Variants in MUC5B observed in about 807,000 individuals in gnomAD.
MUC5B encodes mucin-5B.
Under a neutral mutation model 376.9 loss-of-function variants are expected in MUC5B, and 116 were observed. That is an observed-to-expected ratio of 0.31 (90% CI 0.26 to 0.36). The LOEUF (loss-of-function observed/expected upper bound fraction) is 0.36, where lower values mean the gene tolerates loss of function less well. Ranked by LOEUF, MUC5B falls within the 10% of genes least tolerant of loss-of-function variation. MUC5B has a pLI of 1.00. For missense variants in MUC5B, 7,165 were observed against 7,769.9 expected, an observed-to-expected ratio of 0.92 and a Z score of 2.93; for synonymous variants, 3,517 against 3,390.9, an observed-to-expected ratio of 1.04 and a Z score of -1.29.
At position 1,230,489 on chromosome 11, in the gene MUC5B, G is replaced by A; in HGVS notation, c.1360-1G>A. On this transcript the variant is annotated splice_acceptor_variant, in intron 11 of 48. Transcript: ENST00000529681. LOFTEE classifies it high-confidence loss of function. ...ATGCACGCGTGGGTCCTTCTCCCCA[G>A]AAATGTGCCGACAGCAGCTTCACCG... The A allele has an allele frequency of 6.2e-7, 1 of 1,602,966 alleles. No homozygotes were observed. The highest frequency in any genetic ancestry group is 8.5e-7 in the Non-Finnish European group (1 of 1,174,586).
rs577474281 is a variant in MUC5B, at chr11:1,250,418, C to G, written c.13538C>G (p.Thr4513Arg). ...TATALPALRS[T>R]ATTPTATSFT... ...ACTGCCCTTCCAGCACTGAGAAGCACAGCCACCACACCCACAGCTACCAGC... is the reference window on the plus strand; with the variant it reads ...ACTGCCCTTCCAGCACTGAGAAGCAGAGCCACCACACCCACAGCTACCAGC... Residue 4513 changes from threonine (T) to arginine (R), a missense_variant, in exon 31 of 49, where the codon ACA (threonine) becomes AGA (arginine). Physicochemically the swap from Thr to Arg is moderately conservative, Grantham distance 71 (BLOSUM62 -1). This residue lies in a region of MUC5B where 431 missense variants were observed against 390.4 expected (regional missense o/e 1.10). Transcript: ENST00000529681. 6.2e-6 allele frequency: 10 copies of G among 1,604,524 alleles called. No homozygotes were observed. In the African/African-American group the frequency reaches 1.3e-4, roughly 21 times the overall value.
Position 1,260,675 on chromosome 11 carries a change from C to T in MUC5B, c.17016C>T (p.Cys5672=), listed in dbSNP as rs368986524. Residue 5672 remains cysteine (C), a synonymous_variant, in exon 48 of 49, where the codon TGC becomes TGT. Coordinates refer to ENST00000529681, the MANE Select transcript of MUC5B (RefSeq NM_002458.3). ...INTTILWHQG[C]ETEVNITFCE... Reference sequence around the variant, plus strand: ...CGACCATCCTGTGGCACCAGGGCTGCGAGACCGAGGTCAACATCACCTTCT... The same window carrying T: ...CGACCATCCTGTGGCACCAGGGCTGTGAGACCGAGGTCAACATCACCTTCT... The T allele has an allele frequency of 4.8e-5, 77 of 1,612,470 alleles. No homozygotes were observed. The highest frequency in any genetic ancestry group is 5.4e-5 in the Non-Finnish European group (64 of 1,179,796).
intron 48 of MUC5B, 130 bp from the exon 49 acceptor site, chr11:1,261,259 G>C (rs1417038783): frequency 2.6e-6 from 2 of 777,892 alleles, no homozygotes; most frequent in Admixed American, 2.4e-5. Context: ...CGTGCCCACA[G>C]AGCAGGCCAC....
At chr11:1,233,322 C>G (rs530260660) in intron 18 of MUC5B, 54 bp downstream of exon 18, 2 of 1,456,858 alleles carry the variant, frequency 1.4e-6, no homozygotes, top group East Asian at 5.0e-5. Context: ...AGCCACTTCC[C>G]GCCCTCCCCG....
At chr11:1,231,597 TG>T (rs1173757952) in intron 14 of MUC5B, 37 bp downstream of exon 14, 3 of 1,539,126 alleles carry the variant, frequency 1.9e-6, no homozygotes, top group Non-Finnish European at 1.7e-6. Flanking sequence ...ACAGGGCCAT[TG>T]GGGACGGGGC....
At chr11:1,252,044 C>T (rs924278228) in intron 31 of MUC5B, among the ~76,000 whole-genome samples, 2 of 151,984 alleles carry the variant, frequency 1.3e-5, no homozygotes, top group Admixed American at 1.3e-4. Context: ...CCACTGGCCA[C>T]ACTGGGTCTC....
In MUC5B at chr11:1,250,053, C is replaced by T. The variant is rs567213938; in HGVS notation, c.13173C>T (p.Ile4391=). Residue 4391 remains isoleucine (I), a synonymous_variant, in exon 31 of 49, where the codon ATC becomes ATT. Coordinates refer to ENST00000529681, the MANE Select transcript of MUC5B (RefSeq NM_002458.3). ...CCTCCACTCCGGGGACGACCTGGAT[C>T]CTCACAGAGCTGACCACAGCAGCCA... ...TPSSTPGTTW[I]LTELTTAATT... 6.2e-7 allele frequency: 1 copy of T among 1,610,586 alleles called. No individual in the cohort carries two copies. The highest frequency in any genetic ancestry group is 2.2e-5 in the East Asian group (1 of 44,720).
At chr11:1,236,352 G>T (rs747257418) in intron 23 of MUC5B, 34 bp from the exon 24 acceptor site, 5 of 1,580,522 alleles carry the variant, frequency 3.2e-6, no homozygotes, top group Middle Eastern at 1.7e-4. Context: ...GGGGCCACAG[G>T]GTCGGCTTCC....
Position 1,248,903 on chromosome 11 carries a change from C to T in MUC5B, c.12023C>T (p.Thr4008Met), listed in dbSNP as rs767648185. 5.0e-4 allele frequency: 776 copies of T among 1,561,576 alleles called. No individual in the cohort carries two copies. Among genetic ancestry groups the T allele is most frequent in the Middle Eastern group, 1.4e-3 (6 of 4,374 alleles). The change falls in exon 31 of 49, where the codon ACG (threonine) becomes ATG (methionine). Residue 4008 changes from threonine (T) to methionine (M), a missense_variant. Physicochemically the swap from Thr to Met is moderately conservative, Grantham distance 81. Around this residue, in one of 31 missense-constraint regions of MUC5B, gnomAD observed 47 missense variants for 98.5 expected, o/e 0.48. Coordinates refer to ENST00000529681, the MANE Select transcript of MUC5B (RefSeq NM_002458.3). ...CACACACCCCCAGTGCCGAACACCA[C>T]GGCCACCACACACGGGCGATCCCTG... Reference protein sequence around the residue: ...TTHTPPVPNTTATTHGRSLSP... With the variant: ...TTHTPPVPNTMATTHGRSLSP...
chr11:1,233,675 C>T lies in MUC5B; in HGVS notation c.2322-118C>T, dbSNP rs1211351535. ...AACACAGCAGCAGGCACCGTCTGGC[C>T]TTACAAGGAGGTGGCCAGGCTGGGG... On this transcript the variant is annotated intron_variant, in intron 18 of 48. Coordinates refer to ENST00000529681, the MANE Select transcript of MUC5B (RefSeq NM_002458.3). 21 of 987,564 alleles carry T rather than the reference C, an allele frequency of 2.1e-5. No individual in the cohort carries two copies. In the East Asian group the frequency reaches 5.2e-4, roughly 25 times the overall value. 61.2% of individuals were successfully genotyped at this position (987,564 alleles called of 1,614,324 possible).
chr11:1,230,266 C>T, intron 11 of MUC5B, 123 bp downstream of exon 11: 2 of 1,373,744 alleles, frequency 1.5e-6, no homozygotes, highest in Admixed American at 2.3e-5. Flanking sequence ...AGGGGGGAGC[C>T]CTGGGTCCCC....
In MUC5B at chr11:1,242,854, T is replaced by A; in HGVS notation, c.5974T>A (p.Trp1992Arg). The change falls in exon 31 of 49, where the codon TGG (tryptophan) becomes AGG (arginine). Residue 1992 changes from tryptophan to arginine, a missense_variant. Physicochemically the swap from Trp to Arg is moderately radical, Grantham distance 101. Coordinates refer to ENST00000529681, the MANE Select transcript of MUC5B (RefSeq NM_002458.3). ...PIPSSSLGTT[W>R]TRLSQTTTPT... Reference sequence around the variant, plus strand: ...CCCCTCTTCCTCCCTGGGCACCACCTGGACCCGCCTATCACAGACCACCAC... The same window carrying A: ...CCCCTCTTCCTCCCTGGGCACCACCAGGACCCGCCTATCACAGACCACCAC... 6.2e-7 allele frequency: 1 copy of A among 1,611,972 alleles called. No homozygotes were observed. Among genetic ancestry groups the A allele is most frequent in the South Asian group, 1.1e-5 (1 of 90,956 alleles).
rs539507615 is a variant in MUC5B at position 1,258,850 on chromosome 11, C to T, written c.16594-92C>T. ...ATCTATGCTCCATCTGAGGAAGGAA[C>T]AACTCCCTGCAGGCCCCATTGGGTC... is the stretch of plus-strand genomic sequence containing the variant. On this transcript the variant is annotated intron_variant, in intron 43 of 48. Coordinates refer to ENST00000529681, the MANE Select transcript of MUC5B (RefSeq NM_002458.3). This position sits in a 1 kb window ranked among gnomAD's most constrained non-coding sequence, Gnocchi z 5.5. 2 of 1,499,782 alleles carry T rather than the reference C, an allele frequency of 1.3e-6. No individual in the cohort carries two copies. Among genetic ancestry groups the T allele is most frequent in the Admixed American group, 2.0e-5 (1 of 49,152 alleles). The allele number at this position is 1,499,782 out of a possible 1,614,324, so 92.9% of individuals were successfully genotyped here.
chr11:1,255,506 C>T lies in MUC5B; in HGVS notation c.16014C>T (p.Cys5338=), dbSNP rs137980255. 16,173 of 1,555,078 alleles carry T rather than the reference C, an allele frequency of 0.01. 116 individuals are homozygous for T. The highest frequency in any genetic ancestry group is 0.013 in the Non-Finnish European group (14,574 of 1,149,390). ...GCCTGGAGGCTTACGCAGAGCTCTG[C>T]CGCGCCCGGGGAGTGTGCAGTGACT... is the stretch of plus-strand genomic sequence containing the variant. ...CQSLEAYAEL[C]RARGVCSDWR... Residue 5338 remains cysteine, a synonymous_variant, in exon 37 of 49, where the codon TGC becomes TGT. Transcript: ENST00000529681.
In MUC5B at chr11:1,233,256, A is replaced by G. The variant is rs1862075669; in HGVS notation, c.2309A>G (p.Glu770Gly). 1 of 1,572,256 alleles carries G rather than the reference A, an allele frequency of 6.4e-7. No individual in the cohort carries two copies. The highest frequency in any genetic ancestry group is 8.6e-7 in the Non-Finnish European group (1 of 1,161,050). ...VLAPGEVVHD[E>G]GAVCSCTGGK... ...GCTCCTGGAGAGGTGGTGCACGACGAGGGCGCCGTGTGGTAAGGGTCTGGG... is the reference window on the plus strand; with the variant it reads ...GCTCCTGGAGAGGTGGTGCACGACGGGGGCGCCGTGTGGTAAGGGTCTGGG... Residue 770 changes from glutamate (E) to glycine (G), a missense_variant, in exon 18 of 49, where the codon GAG becomes GGG. Glu to Gly is a moderately conservative substitution (Grantham distance 98, BLOSUM62 -2). Around this residue, in one of 31 missense-constraint regions of MUC5B, gnomAD observed 530 missense variants for 604.0 expected, o/e 0.88. Transcript: ENST00000529681.
intron 23 of MUC5B, 37 bp from the exon 24 acceptor site, chr11:1,236,349 C>T (rs777882185): frequency 1.3e-6 from 2 of 1,577,610 alleles, no homozygotes; most frequent in South Asian, 1.1e-5. Flanking sequence ...CTGGGGGCCA[C>T]AGGGTCGGCT....
In MUC5B at chr11:1,244,864, C is replaced by A; in HGVS notation, c.7984C>A (p.Leu2662Met). Residue 2662 changes from leucine (L) to methionine (M), a missense_variant, in exon 31 of 49, where the codon CTG (leucine) becomes ATG (methionine). Leu to Met is a conservative substitution (Grantham distance 15). Transcript: ENST00000529681. ...GGGGACCACCCACACCCCCACAGTG[C>A]TGACCACCACCACCACAACTGTGGC... Reference protein sequence around the residue: ...IPGTTHTPTVLTTTTTTVATG... With the variant: ...IPGTTHTPTVMTTTTTTVATG... 6.2e-7 allele frequency: 1 copy of A among 1,613,426 alleles called. No homozygotes were observed. The highest frequency in any genetic ancestry group is 8.5e-7 in the Non-Finnish European group (1 of 1,179,714).
Position 1,245,942 on chromosome 11 carries a change from C to G in MUC5B, c.9062C>G (p.Pro3021Arg), listed in dbSNP as rs763216456. 1.2e-6 allele frequency: 2 copies of G among 1,612,580 alleles called. No homozygotes were observed. Among genetic ancestry groups the G allele is most frequent in the African/African-American group, 1.3e-5 (1 of 74,408 alleles). Residue 3021 changes from proline (P) to arginine (R), a missense_variant, in exon 31 of 49, where the codon CCT becomes CGT. Coordinates refer to ENST00000529681, the MANE Select transcript of MUC5B (RefSeq NM_002458.3). ...IPSSTPGTAP[P>R]PKVLTSTATT... The stretch of plus-strand genomic sequence containing the variant: ...TCCTCCACCCCGGGAACAGCTCCCC[C>G]TCCCAAAGTGCTGACCAGCACGGCC...
In MUC5B at chr11:1,261,649, C is replaced by G. The variant is rs777280585; in HGVS notation, c.*41C>G. On this transcript the variant is annotated 3_prime_UTR_variant, in exon 49 of 49. Coordinates refer to ENST00000529681, the MANE Select transcript of MUC5B (RefSeq NM_002458.3). Reference sequence around the variant, plus strand: ...ATCCCCATGCTCTGTCCACCTGGAGCCAGGATGTGCATTGTCTGATCATGA... The same window carrying G: ...ATCCCCATGCTCTGTCCACCTGGAGGCAGGATGTGCATTGTCTGATCATGA... The G allele has an allele frequency of 3.3e-6, 5 of 1,537,128 alleles. No individual in the cohort carries two copies. In the South Asian group the frequency reaches 5.9e-5, roughly 18 times the overall value.
Sources: gnomAD v4.1 joint callset for allele counts (sites outside exome capture counted in the v4.1 genomes callset) on GRCh38, gnomAD v4.1.1 for gene constraint, gnomAD v4.1.1 regional missense constraint, Gnocchi (gnomAD v3.1) non-coding constraint, MANE v1.5 for transcripts, NCBI Gene and HGNC (gene_info 2026-07-23, HGNC 2026-07-21) for gene names.